Variants in F2 observed in about 807,000 individuals in gnomAD.
F2 encodes the protein coagulation factor II, thrombin.
Under a neutral mutation model 81.9 loss-of-function variants are expected in F2, and 34 were observed. The observed-to-expected ratio is 0.42, with a 90% CI of 0.32 to 0.55. F2 has a LOEUF of 0.55. F2 is among the 20% of genes least tolerant of loss of function. The pLI, the probability that F2 is intolerant of heterozygous loss-of-function variation, is 0.18. For synonymous variants in F2, 296 were observed against 326.4 expected (o/e 0.91, Z 1.01); for missense variants, 630 against 833.4 (o/e 0.76, Z 3.00).
chr11:46,731,730 G>T (rs2064913039), intron 12 of F2, among the ~76,000 whole-genome samples: 1 of 151,960 alleles, frequency 6.6e-6, no homozygotes. Flanking sequence ...GTCAGGTTCG[G>T]GCTCAGTGGT....
chr11:46,720,693 C>G, intron 3 of F2, 97 bp from the exon 4 acceptor site: 1 of 1,521,800 alleles, frequency 6.6e-7, no homozygotes, highest in Non-Finnish European at 9.1e-7. Flanking sequence ...ATCTGTTCAT[C>G]CATCTTTCTG....
chr11:46,719,382 C>A lies in F2; in HGVS notation c.79+68C>A. ...GTGTGGGCCCATGGGCTGGGGTCTC[C>A]TGGCTGGACAGAGCACACAGAGCTG... On this transcript the variant is annotated intron_variant, in intron 1 of 13. Coordinates refer to ENST00000311907, the MANE Select transcript of F2 (RefSeq NM_000506.5). This position sits in a 1 kb window ranked among gnomAD's most constrained non-coding sequence, Gnocchi z 4.7. The A allele has an allele frequency of 6.5e-7, 1 of 1,535,226 alleles. No individual in the cohort carries two copies. The highest frequency in any genetic ancestry group is 1.2e-5 in the South Asian group (1 of 85,438).
intron 3 of F2, 38 bp downstream of exon 3, chr11:46,720,585 C>A (rs2134524430): frequency 1.2e-6 from 2 of 1,613,504 alleles, no homozygotes; most frequent in African/African-American, 2.7e-5. Flanking sequence ...GAAGGGAGGC[C>A]TGGGGACCCC....
At chr11:46,733,311 C>T (rs1350041954) in intron 12 of F2, among the ~76,000 whole-genome samples, 7 of 152,190 alleles carry the variant, frequency 4.6e-5, no homozygotes, top group East Asian at 3.8e-4. Flanking sequence ...TCAAGCCAGC[C>T]TCCCACTTTA....
At chr11:46,727,918 G>A (rs1394042169) in intron 9 of F2, 78 bp from the exon 10 acceptor site, 2 of 1,506,640 alleles carry the variant, frequency 1.3e-6, no homozygotes, top group East Asian at 2.4e-5. Context: ...TCTTAGACCT[G>A]GGATTGTTAC....
At position 46,739,331 on chromosome 11, in the gene F2, G is replaced by C. The variant is rs376551872; in HGVS notation, c.1792G>C (p.Gly598Arg). The C allele has an allele frequency of 2.5e-6, 4 of 1,614,054 alleles. No homozygotes were observed. Among genetic ancestry groups the C allele is most frequent in the African/African-American group, 1.3e-5 (1 of 74,918 alleles). The change falls in exon 14 of 14, where the codon GGG becomes CGG. Residue 598 changes from glycine to arginine, a missense_variant. Transcript: ENST00000311907. ...VSWGEGCDRD[G>R]KYGFYTHVFR... The stretch of plus-strand genomic sequence containing the variant: ...ATGGGGTGAAGGCTGTGACCGGGAT[G>C]GGAAATATGGCTTCTACACACATGT...
chr11:46,728,268 C>A lies in F2; in HGVS notation c.1298+105C>A. 1.6e-6 allele frequency: 2 copies of A among 1,231,684 alleles called. No homozygotes were observed. Among genetic ancestry groups the A allele is most frequent in the Non-Finnish European group, 2.3e-6 (2 of 861,410 alleles). The allele number at this position is 1,231,684 out of a possible 1,614,324, so 76.3% of individuals were successfully genotyped here. On this transcript the variant is annotated intron_variant, in intron 10 of 13. Transcript: ENST00000311907. This position sits in a 1 kb window ranked among gnomAD's most constrained non-coding sequence, Gnocchi z 5.1. ...GGACACATAGGATGTTCTGTATACC[C>A]CCCAGAATATAACATCCCAGCAGTC...
chr11:46,734,068 G>A (rs1037210826), intron 12 of F2, among the ~76,000 whole-genome samples: 1 of 151,602 alleles, frequency 6.6e-6, no homozygotes, highest in Non-Finnish European at 1.5e-5. Flanking sequence ...TTACAGGCAT[G>A]AGCCACCACG....
chr11:46,720,414 C>A, intron 2 of F2, 109 bp from the exon 3 acceptor site: 2 of 1,255,490 alleles, frequency 1.6e-6, no homozygotes, highest in Non-Finnish European at 2.3e-6. Context: ...CCAGAGCCTG[C>A]CCCCTGCGTG....
Position 46,728,300 on chromosome 11 carries a change from G to A in F2, c.1298+137G>A. 2 of 1,049,742 alleles carry A rather than the reference G, an allele frequency of 1.9e-6. No homozygotes were observed. The highest frequency in any genetic ancestry group is 2.8e-6 in the Non-Finnish European group (2 of 702,068). The allele number at this position is 1,049,742 out of a possible 1,614,324, so 65.0% of individuals were successfully genotyped here. On this transcript the variant is annotated intron_variant, in intron 10 of 13. Transcript: ENST00000311907. The surrounding 1 kb of genome is among the most constrained non-coding windows in gnomAD (Gnocchi z 5.1). ...ATATAACATCCCAGCAGTCTCTGCTGGAAAGCCCATTTGGTCACGTCCTGA... is the reference window on the plus strand; with the variant it reads ...ATATAACATCCCAGCAGTCTCTGCTAGAAAGCCCATTTGGTCACGTCCTGA...
chr11:46,719,890 G>C lies in F2; in HGVS notation c.240+28G>C. 1 of 1,550,358 alleles carries C rather than the reference G, an allele frequency of 6.5e-7. No homozygotes were observed. The highest frequency in any genetic ancestry group is 8.7e-7 in the Non-Finnish European group (1 of 1,149,110). On this transcript the variant is annotated intron_variant, in intron 2 of 13. Coordinates refer to ENST00000311907, the MANE Select transcript of F2 (RefSeq NM_000506.5). This position sits in a 1 kb window ranked among gnomAD's most constrained non-coding sequence, Gnocchi z 4.7. Reference sequence around the variant, plus strand: ...GAGCCTGGGCTGCTCGGACGGTGCCGGGGCCTCAGACCGGGCCCAACTCTA... The same window carrying C: ...GAGCCTGGGCTGCTCGGACGGTGCCCGGGCCTCAGACCGGGCCCAACTCTA...
chr11:46,732,060 C>T (rs1264733501), intron 12 of F2, among the ~76,000 whole-genome samples: 4 of 151,728 alleles, frequency 2.6e-5, no homozygotes, highest in African/African-American at 7.3e-5. Context: ...GGATTACAGG[C>T]ATGTGCCACC....
intron 9 of F2, among the ~76,000 whole-genome samples, 162 bp from the exon 10 acceptor site, chr11:46,727,834 G>A (rs577119930): frequency 2.2e-4 from 33 of 152,174 alleles, no homozygotes; most frequent in Middle Eastern, 3.4e-3. Flanking sequence ...AGCATCACAC[G>A]GAGGCTCCAG....
Position 46,719,576 on chromosome 11 carries a change from TC to T in F2, c.80-124del. The T allele has an allele frequency of 1.5e-6, 2 of 1,321,876 alleles. No homozygotes were observed. Among genetic ancestry groups the T allele is most frequent in the Non-Finnish European group, 1.0e-6 (1 of 956,406 alleles). 81.9% of individuals were successfully genotyped at this position (1,321,876 alleles called of 1,614,324 possible). A position where few individuals can be genotyped will look rare whatever the true frequency, so the allele number is the denominator to read the frequency against. ...CACATTTAGCAGCCTTCCAGGCACT[TC>T]CACCAGCCCAGACAGCCTCTCTCAG... is the stretch of plus-strand genomic sequence containing the variant. On this transcript the variant is annotated intron_variant, in intron 1 of 13. Transcript: ENST00000311907. This position sits in a 1 kb window ranked among gnomAD's most constrained non-coding sequence, Gnocchi z 4.7.
Position 46,723,100 on chromosome 11 carries a change from G to A in F2, c.317-80G>A. On this transcript the variant is annotated intron_variant, in intron 4 of 13. Coordinates refer to ENST00000311907, the MANE Select transcript of F2 (RefSeq NM_000506.5). This position sits in a 1 kb window ranked among gnomAD's most constrained non-coding sequence, Gnocchi z 5.6. ...GATTGTGGACCTGCATGAGCTGGGA[G>A]GTGGGGGATAGACAACTTTGCAGGG... is the stretch of plus-strand genomic sequence containing the variant. The A allele has an allele frequency of 8.5e-7, 1 of 1,182,628 alleles. No homozygotes were observed. The highest frequency in any genetic ancestry group is 1.3e-6 in the Non-Finnish European group (1 of 786,512). The allele number at this position is 1,182,628 out of a possible 1,614,324, so 73.3% of individuals were successfully genotyped here.
intron 12 of F2, among the ~76,000 whole-genome samples, chr11:46,730,205 CAGG>C (rs3136479): frequency 0.066 from 10,008 of 152,140 alleles, 379 homozygotes; most frequent in Non-Finnish European, 0.09. Flanking sequence ...GAGGCTGAGG[CAGG>C]AGAATTGCTT....
chr11:46,728,731 C>G lies in F2; in HGVS notation c.1366C>G (p.Arg456Gly). ...KIYIHPRYNWRENLDRDIALM... is the reference protein window; with the variant it reads ...KIYIHPRYNWGENLDRDIALM... ...CTACATCCACCCCAGGTACAACTGG[C>G]GGGAGAACCTGGACCGGGACATTGC... Residue 456 changes from arginine to glycine, a missense_variant, in exon 11 of 14, where the codon CGG becomes GGG. Transcript: ENST00000311907. The surrounding 1 kb of genome is among the most constrained non-coding windows in gnomAD (Gnocchi z 5.1). 6.2e-7 allele frequency: 1 copy of G among 1,614,196 alleles called. No homozygotes were observed. The highest frequency in any genetic ancestry group is 1.3e-5 in the African/African-American group (1 of 75,068).
At chr11:46,733,763 G>A (rs1206090208) in intron 12 of F2, among the ~76,000 whole-genome samples, 1 of 144,068 alleles carries the variant, frequency 6.9e-6, no homozygotes. Flanking sequence ...GTTGAACATC[G>A]TATCATATGA....
At chr11:46,729,233 G>T in intron 11 of F2, 147 bp from the exon 12 acceptor site, 1 of 847,582 alleles carries the variant, frequency 1.2e-6, no homozygotes, top group Non-Finnish European at 1.8e-6. Flanking sequence ...ACCCGCCTCG[G>T]CCTCCCAAAG....
Sources: gnomAD v4.1 joint callset for allele counts (sites outside exome capture counted in the v4.1 genomes callset) on GRCh38, gnomAD v4.1.1 for gene constraint, Gnocchi (gnomAD v3.1) non-coding constraint, MANE v1.5 for transcripts, NCBI Gene and HGNC (gene_info 2026-07-23, HGNC 2026-07-21) for gene names.